DLGAP5: variants seen among roughly 807,000 people sequenced by gnomAD.
DLGAP5 encodes the protein disks large-associated protein 5.
A neutral mutation model predicts 99.6 loss-of-function variants in DLGAP5; 90 were observed. The observed-to-expected ratio is 0.90, with a 90% CI of 0.76 to 1.08. The LOEUF (loss-of-function observed/expected upper bound fraction) is 1.08, where lower values mean the gene tolerates loss of function less well. DLGAP5 is among the 50% of genes least tolerant of loss of function. The pLI is 0.00. For missense variants in DLGAP5, 1,036 were observed against 983.5 expected, an observed-to-expected ratio of 1.05 and a Z score of -0.71; for synonymous variants, 311 against 321.3, an observed-to-expected ratio of 0.97 and a Z score of 0.34.
chr14:55,179,573 A>T, intron 7 of DLGAP5, 56 bp downstream of exon 7: 1 of 1,445,082 alleles, frequency 6.9e-7, no homozygotes, highest in Non-Finnish European at 9.6e-7. Flanking sequence ...CAACTTTATG[A>T]AAGTAGCAAT....
chr14:55,181,153 T>C, intron 5 of DLGAP5, 60 bp downstream of exon 5: 1 of 1,491,798 alleles, frequency 6.7e-7, no homozygotes, highest in Non-Finnish European at 9.2e-7. Context: ...TCAAGACACT[T>C]AAAAAAAATT....
Position 55,182,449 on chromosome 14 carries a change from G to A in DLGAP5, c.433-17C>T. ...TGGAATAGCCTTAGAACAGTCAAAA[G>A]AAGATGAACTTAAAATATGAACTGG... On this transcript the variant is annotated splice_polypyrimidine_tract_variant and intron_variant, in intron 3 of 18. Coordinates refer to ENST00000247191, the MANE Select transcript of DLGAP5 (RefSeq NM_014750.5). The A allele has an allele frequency of 6.3e-7, 1 of 1,592,492 alleles. No individual in the cohort carries two copies. The highest frequency in any genetic ancestry group is 2.2e-5 in the East Asian group (1 of 44,546).
intron 8 of DLGAP5, among the ~76,000 whole-genome samples, chr14:55,176,526 C>T (rs1321680178): frequency 1.3e-5 from 2 of 151,804 alleles, no homozygotes; most frequent in African/African-American, 2.4e-5. Flanking sequence ...AACAAAAAAC[C>T]CAAATTGTAT....
At chr14:55,184,249 G>A (rs1388618510) in intron 2 of DLGAP5, among the ~76,000 whole-genome samples, 2 of 152,140 alleles carry the variant, frequency 1.3e-5, no homozygotes, top group African/African-American at 2.4e-5. Context: ...TTTGAGCCCA[G>A]GAGTTCAAGT....
At chr14:55,170,859 A>AT (rs200133332) in intron 10 of DLGAP5, 72 bp from the exon 11 acceptor site, 1 of 1,061,840 alleles carries the variant, frequency 9.4e-7, no homozygotes, top group East Asian at 2.4e-5. Context: ...GCATAACATC[A>AT]TGATACATAA....
At chr14:55,169,884 C>T (rs1221269927) in intron 11 of DLGAP5, among the ~76,000 whole-genome samples, 2 of 152,142 alleles carry the variant, frequency 1.3e-5, no homozygotes, top group Non-Finnish European at 1.5e-5. Context: ...CCTACAATCC[C>T]AGCACTTTGG....
At chr14:55,187,624 TTTC>T (rs1566510238) in intron 2 of DLGAP5, among the ~76,000 whole-genome samples, 1 of 26,072 alleles carries the variant, frequency 3.8e-5, no homozygotes, top group Non-Finnish European at 7.5e-5. Flanking sequence ...ACCTGATCCT[TTTC>T]TTTTTTTTTT....
chr14:55,157,722 TTTAATACAAATGCAAA>T (rs1456858376), intron 14 of DLGAP5, among the ~76,000 whole-genome samples: 1 of 152,228 alleles, frequency 6.6e-6, no homozygotes, highest in African/African-American at 2.4e-5. Flanking sequence ...GAGCAAAAGT[TTTAATACAAATGCAAA>T]TAAAACCAAA....
At chr14:55,181,642 A>G (rs1239174997) in intron 4 of DLGAP5, among the ~76,000 whole-genome samples, 2 of 152,164 alleles carry the variant, frequency 1.3e-5, no homozygotes, top group Non-Finnish European at 1.5e-5. Context: ...TCTCCTGGAT[A>G]AAAAGCGCTT....
At chr14:55,186,321 T>C (rs1026107847) in intron 2 of DLGAP5, among the ~76,000 whole-genome samples, 1 of 152,180 alleles carries the variant, frequency 6.6e-6, no homozygotes, top group Admixed American at 6.5e-5. Flanking sequence ...ATAGCCACGA[T>C]ATCATCATCA....
chr14:55,189,346 G>T (rs1883534696), intron 1 of DLGAP5, among the ~76,000 whole-genome samples, 166 bp from the exon 2 acceptor site: 1 of 152,090 alleles, frequency 6.6e-6, no homozygotes, highest in South Asian at 2.1e-4. Context: ...GATTATCAGA[G>T]AATAAGAAGC....
chr14:55,178,045 G>GGATCACA (rs1883142636), intron 7 of DLGAP5, among the ~76,000 whole-genome samples: 1 of 150,586 alleles, frequency 6.6e-6, no homozygotes, highest in Non-Finnish European at 1.5e-5. Context: ...AAGGTCGGGA[G>GGATCACA]ATCGAGACCA....
chr14:55,162,900 A>T (rs1882497805), intron 13 of DLGAP5, 71 bp downstream of exon 13: 1 of 620,118 alleles, frequency 1.6e-6, no homozygotes, highest in South Asian at 3.1e-5. Flanking sequence ...TCTATATTAG[A>T]AATTTGGATG....
intron 12 of DLGAP5, among the ~76,000 whole-genome samples, chr14:55,168,468 CTT>C (rs1882723741): frequency 6.6e-6 from 1 of 152,106 alleles, no homozygotes; most frequent in Non-Finnish European, 1.5e-5. Context: ...TGGCCTTTTT[CTT>C]TTAGGTTTGA....
chr14:55,176,996 A>G, intron 8 of DLGAP5, 66 bp downstream of exon 8: 1 of 1,024,178 alleles, frequency 9.8e-7, no homozygotes. Flanking sequence ...AAAAAAAAAA[A>G]AAAAAAAAGA....
intron 6 of DLGAP5, 114 bp downstream of exon 6, chr14:55,180,542 T>C: frequency 7.0e-7 from 1 of 1,432,224 alleles, no homozygotes; most frequent in South Asian, 1.3e-5. Context: ...TATTAGAATT[T>C]CCTGTTTCCT....
intron 2 of DLGAP5, among the ~76,000 whole-genome samples, chr14:55,187,851 A>G (rs989944802): frequency 3.3e-5 from 5 of 152,196 alleles, no homozygotes; most frequent in Non-Finnish European, 7.3e-5. Context: ...CTCATTTCAG[A>G]GTAAAAGCCA....
chr14:55,163,877 GTT>G (rs903781952), intron 12 of DLGAP5, among the ~76,000 whole-genome samples: 3 of 152,102 alleles, frequency 2.0e-5, no homozygotes, highest in Non-Finnish European at 4.4e-5. Flanking sequence ...TGGGTTGTTC[GTT>G]TCCTTCTTGC....
At position 55,163,095 on chromosome 14, in the gene DLGAP5, T is replaced by C; in HGVS notation, c.1549-20A>G. ...TTCTATCTGTTAATAAAGCACAAGT[T>C]TACCAGATTAATGCTAGCCATATTA... On this transcript the variant is annotated intron_variant, in intron 12 of 18. Coordinates refer to ENST00000247191, the MANE Select transcript of DLGAP5 (RefSeq NM_014750.5). The C allele has an allele frequency of 1.3e-6, 2 of 1,484,970 alleles. No individual in the cohort carries two copies. The highest frequency in any genetic ancestry group is 1.8e-6 in the Non-Finnish European group (2 of 1,084,020). The allele number at this position is 1,484,970 out of a possible 1,614,324, so 92.0% of individuals were successfully genotyped here.
Sources: allele counts gnomAD v4.1 joint callset (sites outside exome capture counted in the v4.1 genomes callset), GRCh38; gene constraint gnomAD v4.1.1; transcripts MANE v1.5; gene names NCBI Gene and HGNC (gene_info 2026-07-23, HGNC 2026-07-21).